Variants in CHST3 observed in about 807,000 individuals in gnomAD.
The protein encoded by CHST3 is carbohydrate sulfotransferase 3.
In CHST3, 20 loss-of-function variants were observed where a neutral mutation model predicts 35.4. That is an observed-to-expected ratio of 0.57 (90% CI 0.40 to 0.82). CHST3 has a LOEUF of 0.82. CHST3 is among the 40% of genes least tolerant of loss of function. CHST3 has a pLI of 0.00. For missense variants in CHST3, 693 were observed against 670.1 expected (o/e 1.03, Z -0.38); for synonymous variants, 334 against 295.9 (o/e 1.13, Z -1.32).
intron 1 of CHST3, among the ~76,000 whole-genome samples, chr10:71,982,186 AAAT>A (rs1839807032): frequency 6.6e-6 from 1 of 152,234 alleles, no homozygotes; most frequent in Admixed American, 6.5e-5. Flanking sequence ...GGAGAGCCCT[AAAT>A]ATAATCACAA....
chr10:72,007,176 T>A lies in CHST3; in HGVS notation c.145T>A (p.Ser49Thr), dbSNP rs1423845712. The A allele has an allele frequency of 3.1e-6, 5 of 1,613,964 alleles. No homozygotes were observed. The highest frequency in any genetic ancestry group is 4.2e-6 in the Non-Finnish European group (5 of 1,180,022). Residue 49 changes from serine to threonine, a missense_variant, in exon 3 of 3, where the codon TCA becomes ACA. Ser to Thr is a moderately conservative substitution (Grantham distance 58). Transcript: ENST00000373115. ...EKENKIISRVSDKLKQIPQAL... is the reference protein window; with the variant it reads ...EKENKIISRVTDKLKQIPQAL... Reference sequence around the variant, plus strand: ...TGATCTTCTTTGTCCTCACAGGGTCTCAGACAAGCTGAAGCAGATTCCCCA... The same window carrying A: ...TGATCTTCTTTGTCCTCACAGGGTCACAGACAAGCTGAAGCAGATTCCCCA...
chr10:71,975,246 C>T (rs781497992), intron 1 of CHST3, among the ~76,000 whole-genome samples: 31 of 152,112 alleles, frequency 2.0e-4, no homozygotes, highest in Admixed American at 2.0e-3. Flanking sequence ...CATCTGATTG[C>T]GCGAGGTAGT....
At chr10:71,999,628 C>T (rs1470057797) in intron 1 of CHST3, among the ~76,000 whole-genome samples, 2 of 152,248 alleles carry the variant, frequency 1.3e-5, no homozygotes, top group African/African-American at 2.4e-5. Flanking sequence ...CTGGCAGGGC[C>T]GTCCCTTATC....
At position 72,007,304 on chromosome 10, in the gene CHST3, G is replaced by A. The variant is rs1378773660; in HGVS notation, c.273G>A (p.Gln91=). The change falls in exon 3 of 3, where the codon CAG becomes CAA. Residue 91 remains glutamine (Q), a synonymous_variant. Transcript: ENST00000373115. ...TCGATTCAGCCTTCTCCCAGCTTCAGAGCCGTCTCCGCAACCTCAGCTTGC... is the reference window on the plus strand; with the variant it reads ...TCGATTCAGCCTTCTCCCAGCTTCAAAGCCGTCTCCGCAACCTCAGCTTGC... ...SELDSAFSQL[Q]SRLRNLSLQL... 2 of 1,613,364 alleles carry A rather than the reference G, an allele frequency of 1.2e-6. No individual in the cohort carries two copies. Among genetic ancestry groups the A allele is most frequent in the East Asian group, 4.5e-5 (2 of 44,888 alleles).
intron 1 of CHST3, among the ~76,000 whole-genome samples, chr10:71,996,186 C>T (rs924494413): frequency 6.6e-6 from 1 of 152,112 alleles, no homozygotes; most frequent in Admixed American, 6.5e-5. Flanking sequence ...TCATGAAAGA[C>T]AAGCCAAGCA....
In CHST3 at chr10:72,007,697, G is replaced by C. The variant is rs768626435; in HGVS notation, c.666G>C (p.Arg222=). Residue 222 remains arginine, a synonymous_variant, in exon 3 of 3, where the codon CGG becomes CGC. Coordinates refer to ENST00000373115, the MANE Select transcript of CHST3 (RefSeq NM_004273.5). The part of the protein sequence containing the change: ...EDHLTQFMFR[R]GSSRSLCEDP... The stretch of plus-strand genomic sequence containing the variant: ...ACCTGACTCAGTTCATGTTCCGCCG[G>C]GGCTCCAGCCGCTCCCTGTGCGAGG... The C allele has an allele frequency of 6.8e-6, 11 of 1,607,290 alleles. No individual in the cohort carries two copies. Among genetic ancestry groups the C allele is most frequent in the African/African-American group, 1.3e-5 (1 of 74,912 alleles).
chr10:71,979,838 A>G (rs1839783934), intron 1 of CHST3, among the ~76,000 whole-genome samples: 1 of 152,184 alleles, frequency 6.6e-6, no homozygotes, highest in African/African-American at 2.4e-5. Flanking sequence ...CTGTTTAGTT[A>G]TTTGGTCCGT....
In CHST3 at chr10:72,002,525, CA is replaced by C. The variant is rs1301896950; in HGVS notation, c.-107-3210del. On this transcript the variant is annotated intron_variant, in intron 1 of 2. Transcript: ENST00000373115. The stretch of plus-strand genomic sequence containing the variant: ...CTTTATCAGCAGGGACTGCCCTTTT[CA>C]TGCTACAAACAGGCCCAGAGAGGTT... 2.0e-5 allele frequency among the ~76,000 whole-genome samples: 3 copies of C among 152,242 alleles called. No homozygotes were observed. In the East Asian group the frequency reaches 5.8e-4, roughly 29 times the overall value.
chr10:71,976,666 C>T (rs1221367919), intron 1 of CHST3, among the ~76,000 whole-genome samples: 1 of 152,170 alleles, frequency 6.6e-6, no homozygotes, highest in African/African-American at 2.4e-5. Context: ...AGAAGGCAGG[C>T]CTTGAATTCA....
At chr10:71,976,173 A>C (rs1024416232) in intron 1 of CHST3, among the ~76,000 whole-genome samples, 2 of 152,174 alleles carry the variant, frequency 1.3e-5, no homozygotes, top group Admixed American at 1.3e-4. Context: ...CTCTTGGAGC[A>C]CTTTTGAAGC....
intron 1 of CHST3, among the ~76,000 whole-genome samples, chr10:71,978,803 G>A (rs1233180476): frequency 6.6e-6 from 1 of 152,172 alleles, no homozygotes; most frequent in Non-Finnish European, 1.5e-5. Context: ...CTTCTCTGTT[G>A]AGCCTTTGGA....
chr10:72,008,011 A>C lies in CHST3; in HGVS notation c.980A>C (p.Asp327Ala), dbSNP rs573403001. 5.4e-5 allele frequency: 84 copies of C among 1,549,500 alleles called. No individual in the cohort carries two copies. The African/African-American group carries it at 1.1e-3, about 19-fold the overall frequency. Residue 327 changes from aspartate (D) to alanine (A), a missense_variant, in exon 3 of 3, where the codon GAC becomes GCC. Transcript: ENST00000373115. ...AAGACCTGGAAGAAGTGGCTGGACG[A>C]CGAGGGCCAGGACGGCCTGAGGGAA... ...KYKTWKKWLDDEGQDGLREEE... is the reference protein window; with the variant it reads ...KYKTWKKWLDAEGQDGLREEE...
chr10:71,968,901 C>A (rs1839658540), intron 1 of CHST3, among the ~76,000 whole-genome samples: 1 of 152,108 alleles, frequency 6.6e-6, no homozygotes, highest in Admixed American at 6.5e-5. Flanking sequence ...CTCTTGTGAC[C>A]ATACCGTGAA....
Position 72,008,495 on chromosome 10 carries a change from C to T in CHST3, c.*24C>T. On this transcript the variant is annotated 3_prime_UTR_variant, in exon 3 of 3. Transcript: ENST00000373115. Reference sequence around the variant, plus strand: ...AGGGGGGCCGGGGCCCCGTATGCCCCTCCTCGTGAAAGGCCTGCCCCGTCT... The same window carrying T: ...AGGGGGGCCGGGGCCCCGTATGCCCTTCCTCGTGAAAGGCCTGCCCCGTCT... The T allele has an allele frequency of 6.7e-7, 1 of 1,492,272 alleles. No homozygotes were observed. Among genetic ancestry groups the T allele is most frequent in the Middle Eastern group, 2.4e-4 (1 of 4,162 alleles). The allele number at this position is 1,492,272 out of a possible 1,614,324, so 92.4% of individuals were successfully genotyped here. A position where few individuals can be genotyped will look rare whatever the true frequency, so the allele number is the denominator to read the frequency against.
Position 72,007,385 on chromosome 10 carries a change from A to AAAG in CHST3, c.355_357dup (p.Lys119dup), listed in dbSNP as rs770528566. ...CAGGGGAGGAAGAGGAAGAGCAGAG[A>AAAG]AAGGAGGAGGAGCCGCCCAGACCGG... On this transcript the variant is annotated inframe_insertion, in exon 3 of 3. Transcript: ENST00000373115. The AAAG allele has an allele frequency of 6.2e-7, 1 of 1,606,516 alleles. No individual in the cohort carries two copies. The highest frequency in any genetic ancestry group is 1.1e-5 in the South Asian group (1 of 90,318).
At chr10:71,988,990 C>T (rs1257285327) in intron 1 of CHST3, among the ~76,000 whole-genome samples, 1 of 152,118 alleles carries the variant, frequency 6.6e-6, no homozygotes, top group East Asian at 1.9e-4. Flanking sequence ...TGGTGAAACC[C>T]CATCTCTACA....
intron 1 of CHST3, among the ~76,000 whole-genome samples, chr10:71,998,768 A>G (rs554978440): frequency 6.6e-4 from 101 of 152,340 alleles, no homozygotes; most frequent in Non-Finnish European, 1.2e-3. Flanking sequence ...GCTTCTACTC[A>G]GTCTTGGCAG....
intron 1 of CHST3, among the ~76,000 whole-genome samples, chr10:71,980,050 G>A (rs1237064524): frequency 6.6e-6 from 1 of 152,168 alleles, no homozygotes; most frequent in African/African-American, 2.4e-5. Flanking sequence ...GGGAAAGAGG[G>A]AATGGGGAAC....
Position 72,007,496 on chromosome 10 carries a change from G to C in CHST3, c.465G>C (p.Gln155His), listed in dbSNP as rs200547164. Residue 155 changes from glutamine to histidine, a missense_variant, in exon 3 of 3, where the codon CAG (glutamine) becomes CAC (histidine). By Grantham distance (24) the Gln-to-His change is conservative. Transcript: ENST00000373115. ...TCGTGGGCGAGTTCTTCAACCAGCA[G>C]GGCAACATCTTCTACCTCTTCGAGC... ...SSFVGEFFNQ[Q>H]GNIFYLFEPL... The C allele has an allele frequency of 2.9e-4, 472 of 1,602,454 alleles. No individual in the cohort carries two copies. Among genetic ancestry groups the C allele is most frequent in the Non-Finnish European group, 2.6e-5 (31 of 1,179,776 alleles).
Sources: gnomAD v4.1 joint callset for allele counts (sites outside exome capture counted in the v4.1 genomes callset) on GRCh38, gnomAD v4.1.1 for gene constraint, MANE v1.5 for transcripts, NCBI Gene and HGNC (gene_info 2026-07-23, HGNC 2026-07-21) for gene names.